Variants in RALGAPA2 observed in about 807,000 individuals in gnomAD.
RALGAPA2 encodes ral GTPase-activating protein subunit alpha-2.
Under a neutral mutation model 230.4 loss-of-function variants are expected in RALGAPA2, and 139 were observed. The ratio of observed to expected loss-of-function variants is 0.60; its 90% CI spans 0.53 to 0.69. RALGAPA2 has a LOEUF of 0.69. Among genes scored for constraint, RALGAPA2 ranks in the 30% least tolerant of loss-of-function variants. RALGAPA2 has a pLI of 0.00. For missense variants in RALGAPA2, 2,163 were observed against 2,276.0 expected, an observed-to-expected ratio of 0.95 and a Z score of 1.01; for synonymous variants, 847 against 837.8, an observed-to-expected ratio of 1.01 and a Z score of -0.19.
At position 20,637,402 on chromosome 20, in the gene RALGAPA2, A is replaced by T; in HGVS notation, c.766T>A (p.Ser256Thr). 1 of 1,593,166 alleles carries T rather than the reference A, an allele frequency of 6.3e-7. No homozygotes were observed. The highest frequency in any genetic ancestry group is 8.6e-7 in the Non-Finnish European group (1 of 1,167,098). The change falls in exon 8 of 40, where the codon TCA becomes ACA. Residue 256 changes from serine (S) to threonine (T), a missense_variant. Physicochemically the swap from Ser to Thr is moderately conservative, Grantham distance 58. Coordinates refer to ENST00000202677, the MANE Select transcript of RALGAPA2 (RefSeq NM_020343.4). ...RKYYLPHLFP[S>T]FTKLTNIYKP... The stretch of plus-strand genomic sequence containing the variant: ...TAGATGTTTGTTAACTTAGTAAATG[A>T]TGGAAATAAATGAGGAAGATAATAC...
chr20:20,453,226 G>T (rs902936055), intron 37 of RALGAPA2, among the ~76,000 whole-genome samples: 1 of 152,198 alleles, frequency 6.6e-6, no homozygotes, highest in Admixed American at 6.5e-5. Flanking sequence ...TAAGTAAACA[G>T]ATGTCTCTCC....
chr20:20,686,145 A>C, intron 1 of RALGAPA2, among the ~76,000 whole-genome samples: 1 of 152,198 alleles, frequency 6.6e-6, no homozygotes, highest in East Asian at 1.9e-4. Context: ...GCAACAGCAA[A>C]GGTTGAGGGC....
At chr20:20,420,184 A>G (rs1206068234) in intron 37 of RALGAPA2, among the ~76,000 whole-genome samples, 1 of 152,180 alleles carries the variant, frequency 6.6e-6, no homozygotes, top group African/African-American at 2.4e-5. Flanking sequence ...GACTGGAGTC[A>G]TGGGGTAGTA....
chr20:20,636,020 T>C (rs1603148990), intron 8 of RALGAPA2, among the ~76,000 whole-genome samples: 1 of 152,330 alleles, frequency 6.6e-6, no homozygotes, highest in East Asian at 1.9e-4. Context: ...ATTTTAGGTA[T>C]TTTAACATCT....
intron 1 of RALGAPA2, among the ~76,000 whole-genome samples, chr20:20,684,643 G>C (rs1339783881): frequency 6.6e-6 from 1 of 152,118 alleles, no homozygotes; most frequent in African/African-American, 2.4e-5. Flanking sequence ...CTCAGTTTAT[G>C]TACATGTGTT....
intron 31 of RALGAPA2, among the ~76,000 whole-genome samples, chr20:20,517,599 G>T (rs957841783): frequency 2.6e-5 from 4 of 152,132 alleles, no homozygotes; most frequent in African/African-American, 7.2e-5. Context: ...AGCTTCAAGA[G>T]ATCCTTGCCA....
chr20:20,700,861 T>C (rs1023596859), intron 1 of RALGAPA2, among the ~76,000 whole-genome samples: 4 of 152,242 alleles, frequency 2.6e-5, no homozygotes, highest in African/African-American at 9.6e-5. Flanking sequence ...TAATTTAATG[T>C]TGGGAAATTC....
At chr20:20,591,906 A>G (rs1326469992) in intron 16 of RALGAPA2, among the ~76,000 whole-genome samples, 1 of 152,250 alleles carries the variant, frequency 6.6e-6, no homozygotes, top group Non-Finnish European at 1.5e-5. Flanking sequence ...TATGAGACAT[A>G]AAATAGAAAA....
At chr20:20,505,185 C>G (rs2062496202) in intron 34 of RALGAPA2, 1 of 983,140 alleles carries the variant, frequency 1.0e-6, no homozygotes, top group African/African-American at 1.8e-5. Flanking sequence ...TGATAAAAAG[C>G]AAATGAAAAA....
chr20:20,411,476 G>T lies in RALGAPA2; in HGVS notation c.5617+551C>A, dbSNP rs150133824. 7.6e-3 allele frequency among the ~76,000 whole-genome samples: 1,161 copies of T among 152,242 alleles called. 12 individuals carry two copies. Among genetic ancestry groups the T allele is most frequent in the African/African-American group, 0.026 (1,100 of 41,518 alleles). ...TTATTGTAAGCTAGTTTCTAAACGG[G>T]TTCCACACCAGGTGCTGCTCCGGTC... On this transcript the variant is annotated intron_variant, in intron 38 of 39. Coordinates refer to ENST00000202677, the MANE Select transcript of RALGAPA2 (RefSeq NM_020343.4).
At chr20:20,490,375 A>G (rs147632988) in intron 36 of RALGAPA2, among the ~76,000 whole-genome samples, 2 of 152,316 alleles carry the variant, frequency 1.3e-5, no homozygotes, top group African/African-American at 4.8e-5. Flanking sequence ...AATAATAATA[A>G]ATTATCCAAA....
intron 4 of RALGAPA2, among the ~76,000 whole-genome samples, chr20:20,650,458 T>C (rs2067359404): frequency 6.6e-6 from 1 of 152,212 alleles, no homozygotes; most frequent in Non-Finnish European, 1.5e-5. Context: ...TCATTTGCAG[T>C]GTGGGACAAG....
intron 37 of RALGAPA2, among the ~76,000 whole-genome samples, chr20:20,451,615 A>G (rs2060990691): frequency 6.6e-6 from 1 of 152,238 alleles, no homozygotes; most frequent in Non-Finnish European, 1.5e-5. Flanking sequence ...AAAAGAACCA[A>G]TATTTTGATC....
rs150503285 is a variant in RALGAPA2, at chr20:20,648,524, C to A, written c.329-4975G>T. On this transcript the variant is annotated intron_variant, in intron 4 of 39. Transcript: ENST00000202677. ...TTTACTGTGTATAAATTGTTAACCA[C>A]CCCCCATAAATATTTTTTTTTTAAT... 1.7e-3 allele frequency among the ~76,000 whole-genome samples: 252 copies of A among 151,944 alleles called. 2 individuals carry two copies. Among genetic ancestry groups the A allele is most frequent in the African/African-American group, 5.8e-3 (240 of 41,410 alleles).
At chr20:20,428,937 A>G (rs1232888339) in intron 37 of RALGAPA2, among the ~76,000 whole-genome samples, 1 of 152,142 alleles carries the variant, frequency 6.6e-6, no homozygotes, top group African/African-American at 2.4e-5. Flanking sequence ...GTATTATAGT[A>G]TATTGGAGGA....
At chr20:20,561,706 G>A (rs2064262168) in intron 23 of RALGAPA2, among the ~76,000 whole-genome samples, 1 of 152,180 alleles carries the variant, frequency 6.6e-6, no homozygotes, top group South Asian at 2.1e-4. Flanking sequence ...AGCTAACAGA[G>A]TGAGACTTTC....
At chr20:20,520,329 G>A (rs751725899) in intron 31 of RALGAPA2, among the ~76,000 whole-genome samples, 2 of 152,112 alleles carry the variant, frequency 1.3e-5, no homozygotes, top group Non-Finnish European at 2.9e-5. Context: ...AAGGCCCAAA[G>A]CTGGGCTCTT....
At chr20:20,489,782 C>T (rs1302055928) in intron 36 of RALGAPA2, among the ~76,000 whole-genome samples, 2 of 152,180 alleles carry the variant, frequency 1.3e-5, no homozygotes, top group Non-Finnish European at 2.9e-5. Context: ...CCTAGGCAGT[C>T]GCATGCCAAG....
Position 20,505,569 on chromosome 20 carries a change from T to C in RALGAPA2, c.4929-35A>G, listed in dbSNP as rs199857409. ...TTTAAATTTAAAGGAGTTAGAATTC[T>C]TATATGTAAAATTTTACTTCACTAC... On this transcript the variant is annotated intron_variant, in intron 33 of 39. Coordinates refer to ENST00000202677, the MANE Select transcript of RALGAPA2 (RefSeq NM_020343.4). 9 of 1,498,564 alleles carry C rather than the reference T, an allele frequency of 6.0e-6. No individual in the cohort carries two copies. In the African/African-American group the frequency reaches 1.3e-4, roughly 21 times the overall value. The allele number at this position is 1,498,564 out of a possible 1,614,324, so 92.8% of individuals were successfully genotyped here.
Sources: gnomAD v4.1 joint callset for allele counts (sites outside exome capture counted in the v4.1 genomes callset) on GRCh38, gnomAD v4.1.1 for gene constraint, MANE v1.5 for transcripts, NCBI Gene and HGNC (gene_info 2026-07-23, HGNC 2026-07-21) for gene names.